Variants in BCL11B observed in about 807,000 individuals in gnomAD.
The protein encoded by BCL11B is B-cell lymphoma/leukemia 11B.
In BCL11B, 8 loss-of-function variants were observed where a neutral mutation model predicts 49.9. The ratio of observed to expected loss-of-function variants is 0.16; its 90% CI spans 0.09 to 0.29. The LOEUF (loss-of-function observed/expected upper bound fraction) is 0.29. Ranked by LOEUF, BCL11B falls within the 10% of genes least tolerant of loss-of-function variation. BCL11B has a pLI of 1.00. For synonymous variants in BCL11B, 739 were observed against 637.4 expected, an observed-to-expected ratio of 1.16 and a Z score of -2.40; for missense variants, 1,006 against 1,351.0, an observed-to-expected ratio of 0.74 and a Z score of 4.00.
chr14:99,263,477 G>A (rs1889396459), intron 1 of BCL11B, among the ~76,000 whole-genome samples: 1 of 152,244 alleles, frequency 6.6e-6, no homozygotes, highest in East Asian at 1.9e-4. Context: ...AGGCCAGGAG[G>A]TGGAAACTCC....
intron 2 of BCL11B, among the ~76,000 whole-genome samples, chr14:99,255,871 C>G (rs1048678108): frequency 6.6e-6 from 1 of 152,202 alleles, no homozygotes; most frequent in African/African-American, 2.4e-5. Flanking sequence ...CTCAAAGCCC[C>G]TTGCATCTTG....
chr14:99,252,700 T>A (rs1243506512), intron 2 of BCL11B, among the ~76,000 whole-genome samples: 1 of 152,272 alleles, frequency 6.6e-6, no homozygotes, highest in Non-Finnish European at 1.5e-5. Context: ...ACCTGCTGCC[T>A]GTCTCCGCAC....
chr14:99,197,339 GCCC>G (rs1478773828), intron 3 of BCL11B, among the ~76,000 whole-genome samples: 1 of 152,118 alleles, frequency 6.6e-6, no homozygotes, highest in East Asian at 1.9e-4. Context: ...GACACCCCTG[GCCC>G]CTCTCTTGCC....
chr14:99,189,614 A>C (rs770345949), intron 3 of BCL11B, among the ~76,000 whole-genome samples: 1 of 152,174 alleles, frequency 6.6e-6, no homozygotes, highest in Non-Finnish European at 1.5e-5. Flanking sequence ...GCTGGATCCA[A>C]TCACAACGCT....
intron 2 of BCL11B, among the ~76,000 whole-genome samples, chr14:99,249,662 CTG>C (rs1202108130): frequency 2.0e-5 from 3 of 152,224 alleles, no homozygotes; most frequent in Non-Finnish European, 4.4e-5. Context: ...CTACTCACCG[CTG>C]TGTGACCTTG....
At chr14:99,222,478 C>T (rs768481304) in intron 3 of BCL11B, among the ~76,000 whole-genome samples, 7 of 152,172 alleles carry the variant, frequency 4.6e-5, no homozygotes, top group Non-Finnish European at 8.8e-5. Flanking sequence ...TCGAGGAAAT[C>T]GACTTGGTTA....
Position 99,242,545 on chromosome 14 carries a change from G to C in BCL11B, c.428-10988C>G, listed in dbSNP as rs1057000517. ...GTTCCCCACTCCAGCCCCAGTGCCA[G>C]TGAACAGGGGCTGGGTCAAGGCCCC... On this transcript the variant is annotated intron_variant, in intron 2 of 3. Transcript: ENST00000357195. This position sits in a 1 kb window ranked among gnomAD's most constrained non-coding sequence, Gnocchi z 4.4. Among the ~76,000 whole-genome samples the C allele has an allele frequency of 9.2e-5, 14 of 152,194 alleles. No homozygotes were observed. Among genetic ancestry groups the C allele is most frequent in the Non-Finnish European group, 2.1e-4 (14 of 68,018 alleles).
At chr14:99,230,382 AC>A (rs924839997) in intron 3 of BCL11B, among the ~76,000 whole-genome samples, 10 of 151,852 alleles carry the variant, frequency 6.6e-5, no homozygotes, top group Non-Finnish European at 1.2e-4. Context: ...CCAGCTCTGC[AC>A]CCCCCTTCTC....
At chr14:99,185,933 T>G (rs1363299868) in intron 3 of BCL11B, among the ~76,000 whole-genome samples, 2 of 152,226 alleles carry the variant, frequency 1.3e-5, no homozygotes, top group Non-Finnish European at 2.9e-5. Flanking sequence ...TCAACAACAT[T>G]TATTCACTTG....
rs1019184561 is a variant in BCL11B at position 99,259,275 on chromosome 14, C to G, written c.59-1436G>C. ...GAATGGGAGGGAGGAAAATACATTC[C>G]GTGGCAGTGAAGTTATTGAAGTGCC... On this transcript the variant is annotated intron_variant, in intron 1 of 3. Transcript: ENST00000357195. Among the ~76,000 whole-genome samples the G allele has an allele frequency of 2.0e-5, 3 of 152,042 alleles. No homozygotes were observed. The South Asian group carries it at 6.2e-4, about 32-fold the overall frequency.
intron 2 of BCL11B, among the ~76,000 whole-genome samples, chr14:99,237,129 A>C (rs1205650627): frequency 6.6e-6 from 1 of 151,420 alleles, no homozygotes; most frequent in Non-Finnish European, 1.5e-5. Context: ...TTCTAGGGAG[A>C]CTTCTTCGTT....
chr14:99,216,309 C>G (rs1887833414), intron 3 of BCL11B, among the ~76,000 whole-genome samples: 1 of 152,238 alleles, frequency 6.6e-6, no homozygotes, highest in South Asian at 2.1e-4. Flanking sequence ...CCCATTATCA[C>G]TGCTAGCCGC....
At chr14:99,240,414 C>A (rs1264690361) in intron 2 of BCL11B, among the ~76,000 whole-genome samples, 1 of 152,228 alleles carries the variant, frequency 6.6e-6, no homozygotes, top group Admixed American at 6.5e-5. Context: ...TTATAGAAGA[C>A]CGAGGTTCAG....
intron 1 of BCL11B, among the ~76,000 whole-genome samples, chr14:99,270,812 C>T (rs1039068084): frequency 4.8e-4 from 71 of 149,118 alleles, no homozygotes; most frequent in Admixed American, 1.1e-3. Flanking sequence ...CCACCAGCGC[C>T]GCCGCCGCCA....
intron 3 of BCL11B, among the ~76,000 whole-genome samples, chr14:99,202,304 G>A (rs111772247): frequency 0.013 from 2,009 of 152,230 alleles, 47 homozygotes; most frequent in African/African-American, 0.045. Context: ...CTTTATAAGC[G>A]CCAGGATCAC....
intron 3 of BCL11B, among the ~76,000 whole-genome samples, chr14:99,210,684 G>A (rs930268672): frequency 6.6e-6 from 1 of 152,210 alleles, no homozygotes; most frequent in African/African-American, 2.4e-5. Context: ...GGAAGAGAGA[G>A]ATTGAAGGTA....
Position 99,193,865 on chromosome 14 carries a change from C to T in BCL11B, c.641-17670G>A, listed in dbSNP as rs574519727. Among the ~76,000 whole-genome samples, 9 of 152,210 alleles carry T rather than the reference C, an allele frequency of 5.9e-5. No individual in the cohort carries two copies. In the South Asian group the frequency reaches 1.2e-3, roughly 21 times the overall value. ...TTTTTAAAACCCCAAATCTAAAATG[C>T]GTTTGTAGACTCCTGTTTGAAAAGC... On this transcript the variant is annotated intron_variant, in intron 3 of 3. Coordinates refer to ENST00000357195, the MANE Select transcript of BCL11B (RefSeq NM_138576.4).
intron 3 of BCL11B, among the ~76,000 whole-genome samples, chr14:99,196,535 A>C (rs1442599733): frequency 6.7e-6 from 1 of 150,020 alleles, no homozygotes; most frequent in Admixed American, 6.6e-5. Flanking sequence ...TGGGTTGAAA[A>C]CCTAAGGTCC....
Position 99,170,382 on chromosome 14 carries a change from T to C in BCL11B, c.*3769A>G. 4.5e-6 allele frequency: 1 copy of C among 223,532 alleles called. No homozygotes were observed. The highest frequency in any genetic ancestry group is 6.6e-5 in the East Asian group (1 of 15,246). 13.8% of individuals were successfully genotyped at this position (223,532 alleles called of 1,614,324 possible). On this transcript the variant is annotated 3_prime_UTR_variant, in exon 4 of 4. Transcript: ENST00000357195. ...TTGGTTATACTTTCATAACCTGAAATAATGGTTTCTTACATTTCCTGAAAT... is the reference window on the plus strand; with the variant it reads ...TTGGTTATACTTTCATAACCTGAAACAATGGTTTCTTACATTTCCTGAAAT...
Sources: gnomAD v4.1 joint callset for allele counts (sites outside exome capture counted in the v4.1 genomes callset) on GRCh38, gnomAD v4.1.1 for gene constraint, Gnocchi (gnomAD v3.1) non-coding constraint, MANE v1.5 for transcripts, NCBI Gene and HGNC (gene_info 2026-07-23, HGNC 2026-07-21) for gene names.